DLG2: variants seen among roughly 807,000 people sequenced by gnomAD.
DLG2 encodes the protein discs large MAGUK scaffold protein 2, also known as disks large homolog 2.
DLG2 carries 45 observed loss-of-function variants against 132.5 expected under a neutral mutation model. The observed-to-expected ratio is 0.34, with a 90% CI of 0.27 to 0.44. The LOEUF is 0.44. Among genes scored for constraint, DLG2 ranks in the 20% least tolerant of loss-of-function variants. The pLI, the probability that DLG2 is intolerant of heterozygous loss-of-function variation, is 1.00. For synonymous variants in DLG2, 424 were observed against 419.6 expected, an observed-to-expected ratio of 1.01 and a Z score of -0.13; for missense variants, 1,045 against 1,196.9, an observed-to-expected ratio of 0.87 and a Z score of 1.87.
intron 17 of DLG2, chr11:83,791,147 G>A (rs2041441744): frequency 3.1e-6 from 2 of 647,650 alleles, no homozygotes; most frequent in East Asian, 2.6e-5. Context: ...CTCAGAGTTT[G>A]TGGGTCGAAG....
At chr11:84,685,250 T>C (rs1182038528) in intron 6 of DLG2, among the ~76,000 whole-genome samples, 1 of 152,224 alleles carries the variant, frequency 6.6e-6, no homozygotes, top group Non-Finnish European at 1.5e-5. Flanking sequence ...CCTAGAAAGC[T>C]GGCCTTTCCA....
intron 5 of DLG2, among the ~76,000 whole-genome samples, chr11:85,117,952 G>A (rs926025374): frequency 1.3e-5 from 2 of 152,020 alleles, no homozygotes; most frequent in African/African-American, 2.4e-5. Context: ...AAACAATGGG[G>A]AATCCAAAAT....
intron 4 of DLG2, among the ~76,000 whole-genome samples, chr11:85,178,080 A>G (rs76628467): frequency 0.097 from 14,803 of 152,064 alleles, 1,105 homozygotes; most frequent in Non-Finnish European, 0.13. Flanking sequence ...CAGAGCCTGG[A>G]CCAGCAAATT....
chr11:84,936,847 A>C (rs1383469604), intron 6 of DLG2: 1 of 152,188 alleles, frequency 6.6e-6, no homozygotes, highest in Non-Finnish European at 1.5e-5. Context: ...GAGGTTTTCA[A>C]ATGAATTATA....
intron 7 of DLG2, among the ~76,000 whole-genome samples, chr11:84,493,492 T>G (rs1476377978): frequency 6.6e-6 from 1 of 151,960 alleles, no homozygotes; most frequent in Non-Finnish European, 1.5e-5. Context: ...TAATAATAGC[T>G]CCTATTTTGG....
chr11:83,846,941 C>CAGAAAAA (rs2058740094), intron 16 of DLG2, among the ~76,000 whole-genome samples: 2 of 68,542 alleles, frequency 2.9e-5, no homozygotes, highest in African/African-American at 6.9e-5. Context: ...TCTCCCAAGC[C>CAGAAAAA]AAAAAAAAAA....
chr11:84,052,677 AT>A (rs1351496342), intron 11 of DLG2, among the ~76,000 whole-genome samples: 2 of 117,014 alleles, frequency 1.7e-5, no homozygotes, highest in East Asian at 5.1e-4. Flanking sequence ...AATGGCTATT[AT>A]TAAAAAGTCA....
chr11:84,212,260 T>C (rs896438987), intron 8 of DLG2, among the ~76,000 whole-genome samples: 5 of 152,232 alleles, frequency 3.3e-5, no homozygotes, highest in African/African-American at 1.2e-4. Context: ...TACCAGAGCA[T>C]ATTCCTTAAA....
chr11:84,322,937 A>T (rs1453438837), intron 7 of DLG2, among the ~76,000 whole-genome samples: 1 of 152,224 alleles, frequency 6.6e-6, no homozygotes, highest in Admixed American at 6.5e-5. Context: ...ATATGAAGGC[A>T]TGTAAATATC....
At chr11:84,216,517 G>A (rs935181764) in intron 8 of DLG2, among the ~76,000 whole-genome samples, 1 of 152,080 alleles carries the variant, frequency 6.6e-6, no homozygotes, top group Non-Finnish European at 1.5e-5. Flanking sequence ...ATTGTAAAAT[G>A]GACACATACT....
intron 3 of DLG2, among the ~76,000 whole-genome samples, chr11:85,504,762 A>C (rs2093888860): frequency 6.6e-6 from 1 of 152,188 alleles, no homozygotes; most frequent in Non-Finnish European, 1.5e-5. Flanking sequence ...AGTCATTGGT[A>C]GCTTGATGGG....
chr11:84,122,328 A>G (rs930040869), intron 9 of DLG2, among the ~76,000 whole-genome samples: 3 of 152,198 alleles, frequency 2.0e-5, no homozygotes, highest in Non-Finnish European at 2.9e-5. Flanking sequence ...TCAAAATAAA[A>G]TAAAATAATA....
intron 14 of DLG2, among the ~76,000 whole-genome samples, chr11:83,943,971 C>A (rs774485640): frequency 6.6e-6 from 1 of 152,074 alleles, no homozygotes; most frequent in African/African-American, 2.4e-5. Context: ...AGATAATATA[C>A]GCAAAGCCTT....
intron 16 of DLG2, among the ~76,000 whole-genome samples, chr11:83,840,795 C>A (rs1019760912): frequency 6.6e-6 from 1 of 152,206 alleles, no homozygotes; most frequent in Non-Finnish European, 1.5e-5. Context: ...TTTGATGGTG[C>A]ATTTGACATC....
At chr11:85,455,790 T>C (rs1023706633) in intron 3 of DLG2, among the ~76,000 whole-genome samples, 1 of 152,212 alleles carries the variant, frequency 6.6e-6, no homozygotes, top group African/African-American at 2.4e-5. Context: ...CATGTGGTTT[T>C]TGTTTTTAAG....
chr11:83,625,876 T>C (rs1304638698), intron 19 of DLG2, among the ~76,000 whole-genome samples: 1 of 152,216 alleles, frequency 6.6e-6, no homozygotes, highest in Non-Finnish European at 1.5e-5. Flanking sequence ...CCAGACTCGA[T>C]GCACTTGGTG....
intron 6 of DLG2, among the ~76,000 whole-genome samples, chr11:84,817,614 T>G (rs1307530220): frequency 6.6e-6 from 1 of 151,988 alleles, no homozygotes; most frequent in Non-Finnish European, 1.5e-5. Context: ...AGCTTATGAG[T>G]CTGGGAGAGA....
At chr11:83,769,095 C>T (rs893488974) in intron 18 of DLG2, among the ~76,000 whole-genome samples, 1 of 152,174 alleles carries the variant, frequency 6.6e-6, no homozygotes, top group Non-Finnish European at 1.5e-5. Context: ...CTAGTTACTA[C>T]CTGTTCTTTC....
chr11:84,253,363 A>G (rs986298268), intron 7 of DLG2, among the ~76,000 whole-genome samples: 1 of 152,146 alleles, frequency 6.6e-6, no homozygotes, highest in African/African-American at 2.4e-5. Context: ...GTAGAATGGG[A>G]ATAGTAGTAA....
Sources: gnomAD v4.1 joint callset for allele counts (sites outside exome capture counted in the v4.1 genomes callset) on GRCh38, gnomAD v4.1.1 for gene constraint, MANE v1.5 for transcripts, NCBI Gene and HGNC (gene_info 2026-07-23, HGNC 2026-07-21) for gene names.